The following ITCH variants were observed in gnomAD, a reference collection of about 807,000 sequenced individuals.
The protein encoded by ITCH is itchy E3 ubiquitin protein ligase, also known as E3 ubiquitin-protein ligase Itchy homolog.
In ITCH, 28 loss-of-function variants were observed where a neutral mutation model predicts 126.8. That is an observed-to-expected ratio of 0.22 (90% CI 0.16 to 0.30). The LOEUF (loss-of-function observed/expected upper bound fraction) is 0.30. ITCH is among the 10% of genes least tolerant of loss of function. The pLI, the probability that ITCH is intolerant of heterozygous loss-of-function variation, is 1.00. For missense variants in ITCH, 631 were observed against 1,032.4 expected (o/e 0.61, Z 5.33); for synonymous variants, 342 against 340.0 (o/e 1.01, Z -0.06).
chr20:34,482,254 A>G (rs1988805271), intron 20 of ITCH, among the ~76,000 whole-genome samples: 1 of 152,146 alleles, frequency 6.6e-6, no homozygotes, highest in African/African-American at 2.4e-5. Context: ...TTTCAAAACC[A>G]ATCATGCCTT....
intron 10 of ITCH, among the ~76,000 whole-genome samples, chr20:34,443,347 TAA>T (rs1254827148): frequency 1.3e-5 from 2 of 151,730 alleles, no homozygotes; most frequent in African/African-American, 4.8e-5. Flanking sequence ...CCGTCTCTAC[TAA>T]AAATACAAAA....
chr20:34,426,143 G>A (rs576074283), intron 7 of ITCH, among the ~76,000 whole-genome samples: 1 of 152,362 alleles, frequency 6.6e-6, no homozygotes, highest in African/African-American at 2.4e-5. Context: ...AGAGTGCAGT[G>A]ATTATAAAAT....
intron 6 of ITCH, among the ~76,000 whole-genome samples, chr20:34,422,571 ATT>A (rs11479074): frequency 3.9e-4 from 59 of 150,668 alleles, no homozygotes; most frequent in African/African-American, 1.2e-3. Flanking sequence ...TCATTGTACC[ATT>A]TTTTTTTTAC....
chr20:34,459,143 TAA>T (rs2146362793), intron 13 of ITCH, among the ~76,000 whole-genome samples: 1 of 152,270 alleles, frequency 6.6e-6, no homozygotes, highest in East Asian at 1.9e-4. Flanking sequence ...TTAGGTATGA[TAA>T]GTTACTAGAA....
At chr20:34,365,303 A>G (rs1019295580) in intron 1 of ITCH, among the ~76,000 whole-genome samples, 1 of 152,248 alleles carries the variant, frequency 6.6e-6, no homozygotes, top group Non-Finnish European at 1.5e-5. Flanking sequence ...CATTACATTC[A>G]GCATACAGGT....
chr20:34,407,408 AGGCGCCT>A (rs2039098140), intron 3 of ITCH, among the ~76,000 whole-genome samples: 2 of 152,178 alleles, frequency 1.3e-5, no homozygotes, highest in Admixed American at 1.3e-4. Flanking sequence ...CTGGGATTAC[AGGCGCCT>A]GCCACCACAC....
chr20:34,428,494 ATTTG>A (rs1330195140), intron 7 of ITCH, among the ~76,000 whole-genome samples: 4 of 151,990 alleles, frequency 2.6e-5, no homozygotes, highest in African/African-American at 9.7e-5. Context: ...TCTTCTGTTT[ATTTG>A]TTTATTTTTA....
chr20:34,447,126 T>C (rs139365055), intron 11 of ITCH, among the ~76,000 whole-genome samples: 70 of 152,256 alleles, frequency 4.6e-4, no homozygotes, highest in African/African-American at 1.6e-3. Flanking sequence ...CAACGGTGTG[T>C]TTTGACTACT....
At position 34,493,966 on chromosome 20, in the gene ITCH, C is replaced by T. The variant is rs377045402; in HGVS notation, c.2416+1369C>T. On this transcript the variant is annotated intron_variant, in intron 23 of 24. Coordinates refer to ENST00000374864, the MANE Select transcript of ITCH (RefSeq NM_031483.7). ...ATAGCCTAGGCCAGGCACAGCCTCA[C>T]GCCTATAATTCCAGCACTTTAGGAG... Among the ~76,000 whole-genome samples the T allele has an allele frequency of 5.6e-4, 86 of 152,304 alleles. 1 individual carries two copies. The South Asian group carries it at 8.1e-3, about 14-fold the overall frequency.
intron 14 of ITCH, among the ~76,000 whole-genome samples, 158 bp downstream of exon 14, chr20:34,462,379 C>G (rs1986622045): frequency 6.6e-6 from 1 of 151,494 alleles, no homozygotes; most frequent in Non-Finnish European, 1.5e-5. Context: ...CCATCTCCCT[C>G]TTGGATATTT....
chr20:34,498,626 T>TCA (rs916136765), intron 23 of ITCH, among the ~76,000 whole-genome samples: 2 of 152,222 alleles, frequency 1.3e-5, no homozygotes, highest in Non-Finnish European at 2.9e-5. Context: ...TATACTTTGT[T>TCA]ATGTTCATTG....
At chr20:34,431,750 G>A (rs1336035022) in intron 7 of ITCH, among the ~76,000 whole-genome samples, 1 of 152,014 alleles carries the variant, frequency 6.6e-6, no homozygotes, top group Non-Finnish European at 1.5e-5. Context: ...TTAAAAGATG[G>A]GACATTTGGC....
At chr20:34,364,104 A>G (rs944396794) in intron 1 of ITCH, among the ~76,000 whole-genome samples, 5 of 152,176 alleles carry the variant, frequency 3.3e-5, no homozygotes, top group African/African-American at 4.8e-5. Context: ...AAGTTTTCCA[A>G]GACAGTTCCC....
At chr20:34,455,150 A>G (rs990511350) in intron 12 of ITCH, among the ~76,000 whole-genome samples, 5 of 152,226 alleles carry the variant, frequency 3.3e-5, no homozygotes, top group Middle Eastern at 3.4e-3. Flanking sequence ...CCAATTTTTC[A>G]AACCACAGGA....
chr20:34,500,875 TGA>T (rs1990204850), intron 23 of ITCH, among the ~76,000 whole-genome samples: 1 of 152,218 alleles, frequency 6.6e-6, no homozygotes, highest in East Asian at 1.9e-4. Flanking sequence ...TGTATTTTCA[TGA>T]GAGTGATTAT....
intron 22 of ITCH, among the ~76,000 whole-genome samples, chr20:34,492,087 G>A (rs1351409957): frequency 4.6e-5 from 7 of 152,144 alleles, no homozygotes; most frequent in African/African-American, 1.7e-4. Context: ...CTTGGTCTCA[G>A]TCCATCTTAC....
chr20:34,373,526 T>C (rs1042391161), intron 2 of ITCH, among the ~76,000 whole-genome samples: 1 of 152,186 alleles, frequency 6.6e-6, no homozygotes, highest in African/African-American at 2.4e-5. Context: ...TCCGCCTGCC[T>C]TGGCCTCCCA....
intron 2 of ITCH, among the ~76,000 whole-genome samples, chr20:34,391,940 C>T (rs540011349): frequency 2.0e-4 from 31 of 152,226 alleles, no homozygotes; most frequent in African/African-American, 6.7e-4. Context: ...ACTATTAGGG[C>T]ATTTTCTTGC....
chr20:34,489,202 T>C, intron 20 of ITCH, 64 bp from the exon 21 acceptor site: 1 of 1,406,118 alleles, frequency 7.1e-7, no homozygotes, highest in South Asian at 1.3e-5. Context: ...AATTTATTTT[T>C]ATACTCAGAA....
Sources: gnomAD v4.1 joint callset for allele counts (sites outside exome capture counted in the v4.1 genomes callset) on GRCh38, gnomAD v4.1.1 for gene constraint, MANE v1.5 for transcripts, NCBI Gene and HGNC (gene_info 2026-07-23, HGNC 2026-07-21) for gene names.